The following GADL1 variants were observed in gnomAD, a reference collection of about 807,000 sequenced individuals.
GADL1 encodes the protein GAD like acidic amino acid decarboxylase 1.
GADL1 carries 71 observed loss-of-function variants against 69.5 expected under a neutral mutation model. That is an observed-to-expected ratio of 1.02 (90% CI 0.84 to 1.25). The LOEUF is 1.25. GADL1 is among the 50% of genes most tolerant of loss of function. The probability of loss-of-function intolerance (pLI) is 0.00; values close to 1 mark genes in which losing one functional copy is unlikely to be tolerated. For synonymous variants in GADL1, 254 were observed against 214.4 expected (o/e 1.18, Z -1.62); for missense variants, 737 against 631.8 (o/e 1.17, Z -1.79).
chr3:30,819,084 G>C (rs545822583), intron 11 of GADL1, among the ~76,000 whole-genome samples: 29 of 151,948 alleles, frequency 1.9e-4, no homozygotes, highest in Non-Finnish European at 2.9e-5. Flanking sequence ...ACATATTGAC[G>C]TGGGAGATTG....
In GADL1 at chr3:30,846,974, T is replaced by G. The variant is rs576284219; in HGVS notation, c.652-2508A>C. 4.6e-5 allele frequency among the ~76,000 whole-genome samples: 7 copies of G among 152,334 alleles called. No homozygotes were observed. In the East Asian group the frequency reaches 1.4e-3, roughly 29 times the overall value. ...AGAGAGGAGCTAGCCCATTGATTAC[T>G]GGCCTGGGAGGTAAGGGTTTCTTTT... On this transcript the variant is annotated intron_variant, in intron 6 of 14. Coordinates refer to ENST00000282538, the MANE Select transcript of GADL1 (RefSeq NM_207359.3).
At chr3:30,892,580 G>A (rs1459975651) in intron 1 of GADL1, among the ~76,000 whole-genome samples, 1 of 152,188 alleles carries the variant, frequency 6.6e-6, no homozygotes, top group Non-Finnish European at 1.5e-5. Context: ...GCCACCACAA[G>A]CTACAGACAT....
At chr3:30,790,396 C>T (rs1002257434) in intron 12 of GADL1, among the ~76,000 whole-genome samples, 2 of 152,140 alleles carry the variant, frequency 1.3e-5, no homozygotes, top group African/African-American at 4.8e-5. Flanking sequence ...ATAACACAGA[C>T]ATATGAAGTG....
intron 11 of GADL1, among the ~76,000 whole-genome samples, chr3:30,813,570 A>C (rs926034629): frequency 3.9e-5 from 6 of 152,202 alleles, no homozygotes; most frequent in African/African-American, 1.4e-4. Context: ...TTTACATTTC[A>C]ATTTTACCTG....
intron 14 of GADL1, among the ~76,000 whole-genome samples, chr3:30,772,853 G>A (rs1296132802): frequency 6.6e-6 from 1 of 152,166 alleles, no homozygotes; most frequent in African/African-American, 2.4e-5. Flanking sequence ...TCCAGCCCAG[G>A]TGACAGAGTG....
At chr3:30,787,939 ATGT>A (rs974926310) in intron 12 of GADL1, among the ~76,000 whole-genome samples, 52 of 152,116 alleles carry the variant, frequency 3.4e-4, no homozygotes, top group African/African-American at 1.2e-3. Context: ...TAAAATATTG[ATGT>A]TTGTATATTT....
intron 1 of GADL1, among the ~76,000 whole-genome samples, chr3:30,893,408 CTT>C (rs1698812091): frequency 1.3e-5 from 2 of 152,016 alleles, no homozygotes; most frequent in Non-Finnish European, 2.9e-5. Flanking sequence ...GAAATCCTCT[CTT>C]CTAGCTTTTT....
At chr3:30,753,541 GTTC>G (rs1227854906) in intron 14 of GADL1, among the ~76,000 whole-genome samples, 2 of 152,108 alleles carry the variant, frequency 1.3e-5, no homozygotes, top group African/African-American at 4.8e-5. Flanking sequence ...AAAAATCCCT[GTTC>G]TTGCTATTCT....
intron 14 of GADL1, among the ~76,000 whole-genome samples, chr3:30,742,582 T>C (rs1365160342): frequency 6.6e-6 from 1 of 152,114 alleles, no homozygotes; most frequent in East Asian, 1.9e-4. Flanking sequence ...TCTTCTCCAT[T>C]TAAATATTAT....
At chr3:30,757,213 A>T (rs1353783950) in intron 14 of GADL1, among the ~76,000 whole-genome samples, 2 of 152,178 alleles carry the variant, frequency 1.3e-5, no homozygotes, top group African/African-American at 4.8e-5. Flanking sequence ...CTGGACCTTC[A>T]TCAAATATCT....
intron 9 of GADL1, among the ~76,000 whole-genome samples, chr3:30,836,801 A>G (rs1483855447): frequency 6.6e-6 from 1 of 151,776 alleles, no homozygotes; most frequent in Non-Finnish European, 1.5e-5. Flanking sequence ...CTGATTTTGA[A>G]GAAGAGCTAG....
intron 14 of GADL1, among the ~76,000 whole-genome samples, chr3:30,758,485 GCT>G (rs755642290): frequency 5.9e-5 from 9 of 152,140 alleles, no homozygotes; most frequent in East Asian, 3.9e-4. Flanking sequence ...AATCAGACTG[GCT>G]CTGAGTAACT....
chr3:30,865,271 A>G (rs1698383546), intron 1 of GADL1, among the ~76,000 whole-genome samples: 1 of 142,392 alleles, frequency 7.0e-6, no homozygotes, highest in Non-Finnish European at 1.5e-5. Flanking sequence ...GATATATAAT[A>G]CCCACGTAAA....
chr3:30,791,330 G>A (rs1487679635), intron 12 of GADL1, among the ~76,000 whole-genome samples: 2 of 152,116 alleles, frequency 1.3e-5, no homozygotes, highest in African/African-American at 4.8e-5. Flanking sequence ...CTGAGCCTAT[G>A]AAGAAAGCTT....
At chr3:30,846,107 T>C (rs1347072270) in intron 6 of GADL1, among the ~76,000 whole-genome samples, 1 of 149,958 alleles carries the variant, frequency 6.7e-6, no homozygotes, top group African/African-American at 2.4e-5. Flanking sequence ...ATCTGAAAGC[T>C]TCAGAGAAGG....
rs372719490 is a variant in GADL1, at chr3:30,818,710, A to G, written c.1050+15143T>C. 7.9e-5 allele frequency among the ~76,000 whole-genome samples: 12 copies of G among 152,294 alleles called. No homozygotes were observed. In the East Asian group the frequency reaches 1.2e-3, roughly 15 times the overall value. ...CTAAAATATTGTTTAATGAAAATCA[A>G]ATTTAACTGAGCCTCCTGTGTTTTT... On this transcript the variant is annotated intron_variant, in intron 11 of 14. Coordinates refer to ENST00000282538, the MANE Select transcript of GADL1 (RefSeq NM_207359.3).
rs144252169 is a variant in GADL1 at position 30,728,355 on chromosome 3, G to A, written c.1453C>T (p.Pro485Ser). Residue 485 changes from proline to serine, a missense_variant, in exon 15 of 15, where the codon CCG becomes TCG. Coordinates refer to ENST00000282538, the MANE Select transcript of GADL1 (RefSeq NM_207359.3). ...KKGSLMLGYQ[P>S]HRGKVNFFRQ... ...AAGAAGTTGACCTTTCCCCGGTGCG[G>A]CTGGTAGCCCAGCATCAAGCTTCCC... 156 of 1,613,868 alleles carry A rather than the reference G, an allele frequency of 9.7e-5. No homozygotes were observed. The African/African-American group carries it at 1.9e-3, about 20-fold the overall frequency.
intron 14 of GADL1, among the ~76,000 whole-genome samples, chr3:30,773,539 G>A (rs796083601): frequency 3.2e-4 from 49 of 152,182 alleles, no homozygotes; most frequent in African/African-American, 1.2e-3. Flanking sequence ...TATTTTACAT[G>A]TACTTAAGTA....
chr3:30,886,445 G>A (rs1698710318), intron 1 of GADL1, among the ~76,000 whole-genome samples: 1 of 152,090 alleles, frequency 6.6e-6, no homozygotes, highest in South Asian at 2.1e-4. Flanking sequence ...GTGCAGTTTT[G>A]CATTATAAAG....
Sources: gnomAD v4.1 joint callset for allele counts (sites outside exome capture counted in the v4.1 genomes callset) on GRCh38, gnomAD v4.1.1 for gene constraint, MANE v1.5 for transcripts, NCBI Gene and HGNC (gene_info 2026-07-23, HGNC 2026-07-21) for gene names.